The following NPAS3 variants were observed in gnomAD, a reference collection of about 807,000 sequenced individuals.
NPAS3 encodes neuronal PAS domain-containing protein 3.
NPAS3 carries 14 observed loss-of-function variants against 73.1 expected under a neutral mutation model. The ratio of observed to expected loss-of-function variants is 0.19; its 90% confidence interval spans 0.13 to 0.30. The LOEUF (loss-of-function observed/expected upper bound fraction) is 0.30, where lower values mean the gene tolerates loss of function less well. NPAS3 is among the 10% of genes least tolerant of loss of function. The pLI is 1.00. For synonymous variants in NPAS3, 620 were observed against 541.5 expected (o/e 1.14, Z -2.01); for missense variants, 1,096 against 1,250.0 (o/e 0.88, Z 1.86).
At chr14:33,654,876 C>G (rs976286370) in intron 5 of NPAS3, among the ~76,000 whole-genome samples, 5 of 152,174 alleles carry the variant, frequency 3.3e-5, no homozygotes, top group Non-Finnish European at 7.4e-5. Flanking sequence ...TCATGAAGAT[C>G]ACCACGTGTT....
At chr14:33,314,467 A>G (rs1401322967) in intron 3 of NPAS3, among the ~76,000 whole-genome samples, 1 of 152,086 alleles carries the variant, frequency 6.6e-6, no homozygotes, top group Non-Finnish European at 1.5e-5. Flanking sequence ...TGGGATAAGA[A>G]TTAGAGATAA....
chr14:33,373,210 A>G (rs1275935926), intron 4 of NPAS3, among the ~76,000 whole-genome samples: 1 of 152,104 alleles, frequency 6.6e-6, no homozygotes, highest in African/African-American at 2.4e-5. Context: ...AGTTTCTTTC[A>G]TTTTCTAAAT....
chr14:33,052,275 A>C (rs1007438218), intron 1 of NPAS3, among the ~76,000 whole-genome samples: 8 of 152,152 alleles, frequency 5.3e-5, no homozygotes, highest in Non-Finnish European at 1.5e-5. Flanking sequence ...TAAAAACAGC[A>C]GTGCAATCCT....
At chr14:33,547,337 C>T (rs1267527685) in intron 4 of NPAS3, among the ~76,000 whole-genome samples, 1 of 152,174 alleles carries the variant, frequency 6.6e-6, no homozygotes, top group African/African-American at 2.4e-5. Flanking sequence ...ATGAGCAAAT[C>T]TCATTGGAGG....
chr14:33,576,360 C>G (rs1014786730), intron 5 of NPAS3, among the ~76,000 whole-genome samples: 1 of 152,162 alleles, frequency 6.6e-6, no homozygotes, highest in Non-Finnish European at 1.5e-5. Flanking sequence ...ATGCCCTACC[C>G]AAACTACGGA....
At chr14:33,135,371 AC>A (rs1263544616) in intron 2 of NPAS3, among the ~76,000 whole-genome samples, 3 of 152,194 alleles carry the variant, frequency 2.0e-5, no homozygotes, top group African/African-American at 7.2e-5. Context: ...CTTCTTGGCC[AC>A]TATACTGTTT....
intron 4 of NPAS3, among the ~76,000 whole-genome samples, chr14:33,487,489 G>A (rs1238955836): frequency 2.4e-4 from 36 of 152,310 alleles, no homozygotes; most frequent in Admixed American, 2.4e-3. Flanking sequence ...GATTAGAAAT[G>A]AGATTTACAA....
Position 33,071,088 on chromosome 14 carries a change from G to A in NPAS3, c.140+15094G>A, listed in dbSNP as rs563129380. On this transcript the variant is annotated intron_variant, in intron 2 of 11. Transcript: ENST00000356141. ...ACCTATGGGTACAACTTACCCCCATGACACATTTACCCAGGAGGTTGGTCC... is the reference window on the plus strand; with the variant it reads ...ACCTATGGGTACAACTTACCCCCATAACACATTTACCCAGGAGGTTGGTCC... Among the ~76,000 whole-genome samples the A allele has an allele frequency of 1.7e-4, 26 of 152,228 alleles. No individual in the cohort carries two copies. In the South Asian group the frequency reaches 5.2e-3, roughly 30 times the overall value.
chr14:33,365,219 AAAAG>A (rs954132429), intron 3 of NPAS3, among the ~76,000 whole-genome samples: 2 of 150,976 alleles, frequency 1.3e-5, no homozygotes, highest in African/African-American at 4.9e-5. Context: ...AAAAAAAAAA[AAAAG>A]GCTGCAGATT....
chr14:33,047,707 T>A (rs1263096078), intron 1 of NPAS3, among the ~76,000 whole-genome samples: 5 of 152,206 alleles, frequency 3.3e-5, no homozygotes, highest in Non-Finnish European at 7.3e-5. Flanking sequence ...TTTTGTGGAA[T>A]GCTTTTTGGT....
intron 5 of NPAS3, among the ~76,000 whole-genome samples, chr14:33,646,746 T>C (rs2058839549): frequency 6.6e-6 from 1 of 152,240 alleles, no homozygotes; most frequent in Non-Finnish European, 1.5e-5. Context: ...CTTTGGTGCC[T>C]GTGAGCTAGC....
At chr14:33,126,766 G>C (rs1195265195) in intron 2 of NPAS3, among the ~76,000 whole-genome samples, 1 of 152,074 alleles carries the variant, frequency 6.6e-6, no homozygotes, top group Non-Finnish European at 1.5e-5. Flanking sequence ...AGCATGTACA[G>C]AACACCTCCT....
chr14:32,946,364 A>G (rs1376564589), intron 1 of NPAS3, among the ~76,000 whole-genome samples: 4 of 151,482 alleles, frequency 2.6e-5, no homozygotes, highest in Non-Finnish European at 5.9e-5. Flanking sequence ...ACACACACAC[A>G]CACACACACA....
At chr14:33,197,859 A>T (rs192273559) in intron 2 of NPAS3, among the ~76,000 whole-genome samples, 2 of 152,294 alleles carry the variant, frequency 1.3e-5, no homozygotes, top group African/African-American at 4.8e-5. Flanking sequence ...GGTCTCACTG[A>T]CTTCAAGAAC....
chr14:33,751,405 T>C (rs1402625842), intron 7 of NPAS3, among the ~76,000 whole-genome samples: 1 of 152,150 alleles, frequency 6.6e-6, no homozygotes, highest in Non-Finnish European at 1.5e-5. Flanking sequence ...ACATTGCTCA[T>C]ATAAATAGAC....
chr14:33,229,557 A>G (rs1333221210), intron 3 of NPAS3, among the ~76,000 whole-genome samples: 2 of 152,190 alleles, frequency 1.3e-5, no homozygotes, highest in Non-Finnish European at 1.5e-5. Flanking sequence ...GCGAAAGAGC[A>G]TGTTTTGTAC....
chr14:33,493,014 C>G (rs532512515), intron 4 of NPAS3, among the ~76,000 whole-genome samples: 51 of 152,190 alleles, frequency 3.4e-4, no homozygotes, highest in Non-Finnish European at 6.2e-4. Flanking sequence ...TTTAAAAATT[C>G]CCGGTAAGGT....
intron 2 of NPAS3, among the ~76,000 whole-genome samples, chr14:33,083,828 G>T (rs2041938850): frequency 6.6e-6 from 1 of 152,138 alleles, no homozygotes; most frequent in South Asian, 2.1e-4. Context: ...GGATGTTAAT[G>T]ACTATCTATA....
Position 33,723,602 on chromosome 14 carries a change from G to A in NPAS3, c.734-11612G>A, listed in dbSNP as rs150353029. On this transcript the variant is annotated intron_variant, in intron 6 of 11. Coordinates refer to ENST00000356141, the Ensembl canonical transcript of NPAS3. Reference sequence around the variant, plus strand: ...CCTCTCCAGTGCAACTGTCCAGTTCGGAGTCCTATGTCCCTGAATGTCCCT... The same window carrying A: ...CCTCTCCAGTGCAACTGTCCAGTTCAGAGTCCTATGTCCCTGAATGTCCCT... Among the ~76,000 whole-genome samples, 476 of 151,872 alleles carry A rather than the reference G, an allele frequency of 3.1e-3. 1 individual carries two copies. The highest frequency in any genetic ancestry group is 9.2e-3 in the African/African-American group (383 of 41,450).
Sources: gnomAD v4.1 joint callset for allele counts (sites outside exome capture counted in the v4.1 genomes callset) on GRCh38, gnomAD v4.1.1 for gene constraint, MANE v1.5 for transcripts, NCBI Gene and HGNC (gene_info 2026-07-23, HGNC 2026-07-21) for gene names.